The following PLSCR4 variants were observed in gnomAD, a reference collection of about 807,000 sequenced individuals.
The protein encoded by PLSCR4 is phospholipid scramblase 4, also known as Ca(2+)-dependent phospholipid scramblase 4.
PLSCR4 carries 25 observed loss-of-function variants against 36.3 expected under a neutral mutation model. That is an observed-to-expected ratio of 0.69 (90% CI 0.50 to 0.96). The LOEUF (loss-of-function observed/expected upper bound fraction) is 0.96, where lower values mean the gene tolerates loss of function less well. Among genes scored for constraint, PLSCR4 ranks in the 40% least tolerant of loss-of-function variants. The probability of loss-of-function intolerance (pLI) is 0.00; values close to 1 mark genes in which losing one functional copy is unlikely to be tolerated. For synonymous variants in PLSCR4, 122 were observed against 132.9 expected, an observed-to-expected ratio of 0.92 and a Z score of 0.56; for missense variants, 408 against 414.7, an observed-to-expected ratio of 0.98 and a Z score of 0.14.
chr3:146,242,673 C>T (rs2036199409), intron 1 of PLSCR4, among the ~76,000 whole-genome samples: 1 of 152,160 alleles, frequency 6.6e-6, no homozygotes, highest in Admixed American at 6.6e-5. Context: ...CTCTGGAATT[C>T]TAGCCAACTT....
chr3:146,207,134 G>A (rs2034379785), intron 3 of PLSCR4, among the ~76,000 whole-genome samples: 2 of 151,966 alleles, frequency 1.3e-5, no homozygotes, highest in African/African-American at 4.8e-5. Flanking sequence ...AATTACTAAC[G>A]TATAATTACT....
At chr3:146,246,025 T>C (rs2036323449) in intron 1 of PLSCR4, among the ~76,000 whole-genome samples, 1 of 152,092 alleles carries the variant, frequency 6.6e-6, no homozygotes, top group Admixed American at 6.5e-5. Context: ...GACTGAAGGA[T>C]TCAGTCATTT....
rs533903657 is a variant in PLSCR4, at chr3:146,245,179, G to A, written c.-22+5781C>T. Among the ~76,000 whole-genome samples the A allele has an allele frequency of 6.6e-4, 100 of 152,084 alleles. 1 individual carries two copies. The Middle Eastern group carries it at 0.021, about 31-fold the overall frequency. ...GCTTAAAAGGATCATTGCTTCTATGGATAAGGAAAGAAAATGGAAGCCATT... is the reference window on the plus strand; with the variant it reads ...GCTTAAAAGGATCATTGCTTCTATGAATAAGGAAAGAAAATGGAAGCCATT... On this transcript the variant is annotated intron_variant, in intron 1 of 8. Transcript: ENST00000354952.
At chr3:146,248,001 T>A (rs1337115838) in intron 1 of PLSCR4, among the ~76,000 whole-genome samples, 1 of 152,218 alleles carries the variant, frequency 6.6e-6, no homozygotes, top group Non-Finnish European at 1.5e-5. Flanking sequence ...ATCTCTTTCA[T>A]CCTGAAGAAT....
At chr3:146,196,139 C>CATAAT (rs1201630898) in intron 7 of PLSCR4, among the ~76,000 whole-genome samples, 1 of 151,898 alleles carries the variant, frequency 6.6e-6, no homozygotes, top group African/African-American at 2.4e-5. Context: ...AATGTTAAAA[C>CATAAT]TATTATAAGT....
At chr3:146,218,046 G>T (rs1412360429) in intron 3 of PLSCR4, among the ~76,000 whole-genome samples, 1 of 152,018 alleles carries the variant, frequency 6.6e-6, no homozygotes, top group Non-Finnish European at 1.5e-5. Flanking sequence ...TTAAGAGTAG[G>T]GACACAGTTT....
chr3:146,212,936 T>C (rs540770489), intron 3 of PLSCR4, among the ~76,000 whole-genome samples: 35 of 152,308 alleles, frequency 2.3e-4, no homozygotes, highest in Admixed American at 2.0e-3. Context: ...GATGTTGTAT[T>C]TTGTCAAGTG....
chr3:146,236,102 A>C (rs9867851), intron 1 of PLSCR4, among the ~76,000 whole-genome samples: 118,606 of 151,694 alleles, frequency 0.78, 47,085 homozygotes, highest in Non-Finnish European at 0.86. Context: ...AGAAAAAAAA[A>C]CCATTTTCAG....
chr3:146,198,543 G>A (rs147797605), intron 6 of PLSCR4, among the ~76,000 whole-genome samples: 192 of 152,152 alleles, frequency 1.3e-3, no homozygotes, highest in African/African-American at 4.4e-3. Context: ...TGGGACCACA[G>A]ACACACATCA....
intron 4 of PLSCR4, among the ~76,000 whole-genome samples, 160 bp from the exon 5 acceptor site, chr3:146,201,237 C>T (rs895249540): frequency 6.6e-6 from 1 of 152,090 alleles, no homozygotes. Flanking sequence ...CTGAAATTAG[C>T]TTATCTGCAT....
intron 6 of PLSCR4, 131 bp downstream of exon 6, chr3:146,199,682 C>T (rs2033939456): frequency 2.7e-6 from 2 of 751,924 alleles, no homozygotes; most frequent in Non-Finnish European, 4.4e-6. Context: ...TGGTTTCCTC[C>T]CTCCCCACTA....
At chr3:146,246,908 C>T (rs749219630) in intron 1 of PLSCR4, among the ~76,000 whole-genome samples, 8 of 152,136 alleles carry the variant, frequency 5.3e-5, no homozygotes, top group Non-Finnish European at 7.4e-5. Flanking sequence ...ATCCCACCTA[C>T]TCCAATTCCC....
chr3:146,210,229 A>C (rs1186763553), intron 3 of PLSCR4, among the ~76,000 whole-genome samples: 1 of 152,002 alleles, frequency 6.6e-6, no homozygotes, highest in Non-Finnish European at 1.5e-5. Flanking sequence ...TTTAATCCAC[A>C]CTTTTTTGAA....
At chr3:146,212,628 T>C (rs1272792697) in intron 3 of PLSCR4, among the ~76,000 whole-genome samples, 1 of 152,076 alleles carries the variant, frequency 6.6e-6, no homozygotes, top group East Asian at 1.9e-4. Context: ...CAGCTTAGAC[T>C]TTTTACATAT....
intron 3 of PLSCR4, among the ~76,000 whole-genome samples, chr3:146,213,570 G>A (rs1464426082): frequency 2.0e-5 from 3 of 152,160 alleles, no homozygotes; most frequent in East Asian, 1.9e-4. Context: ...TGATCCACCC[G>A]CCTCGGATTC....
chr3:146,240,482 G>T (rs192340848), intron 1 of PLSCR4, among the ~76,000 whole-genome samples: 1 of 152,144 alleles, frequency 6.6e-6, no homozygotes, highest in Admixed American at 6.6e-5. Flanking sequence ...GCATGTACCC[G>T]TAGTCCCAGC....
At chr3:146,223,207 A>T (rs2035253690) in intron 1 of PLSCR4, among the ~76,000 whole-genome samples, 1 of 152,240 alleles carries the variant, frequency 6.6e-6, no homozygotes, top group South Asian at 2.1e-4. Context: ...ACGAGATTTG[A>T]AACAAGGAAT....
chr3:146,192,890 G>GA lies in PLSCR4; in HGVS notation c.*1520dup, dbSNP rs2033478265. 6.6e-6 allele frequency: 1 copy of GA among 151,854 alleles called. No individual in the cohort carries two copies. The highest frequency in any genetic ancestry group is 2.4e-5 in the African/African-American group (1 of 41,348). The allele number at this position is 151,854 out of a possible 1,614,324, so 9.4% of individuals were successfully genotyped here. A position where few individuals can be genotyped will look rare whatever the true frequency, so the allele number is the denominator to read the frequency against. On this transcript the variant is annotated 3_prime_UTR_variant, in exon 9 of 9. Transcript: ENST00000354952. ...AAACTCAGAAAAACAAATTTACCCTGAAAAGATGAATATAATTAAAAAACA... is the reference window on the plus strand; with the variant it reads ...AAACTCAGAAAAACAAATTTACCCTGAAAAAGATGAATATAATTAAAAAACA...
At chr3:146,216,739 C>T (rs1005743724) in intron 3 of PLSCR4, among the ~76,000 whole-genome samples, 1 of 70,616 alleles carries the variant, frequency 1.4e-5, no homozygotes, top group Non-Finnish European at 4.0e-5. Context: ...AAGAAGAGCA[C>T]CCCAGGCGTG....
Sources: allele counts gnomAD v4.1 joint callset (sites outside exome capture counted in the v4.1 genomes callset), GRCh38; gene constraint gnomAD v4.1.1; transcripts MANE v1.5; gene names NCBI Gene and HGNC (gene_info 2026-07-23, HGNC 2026-07-21).